The following DOCK3 variants were observed in gnomAD, a reference collection of about 807,000 sequenced individuals.
DOCK3 encodes the protein dedicator of cytokinesis 3, also known as dedicator of cytokinesis protein 3.
Under a neutral mutation model 265.6 loss-of-function variants are expected in DOCK3, and 60 were observed. The ratio of observed to expected loss-of-function variants is 0.23; its 90% CI spans 0.18 to 0.28. The LOEUF is 0.28. Ranked by LOEUF, DOCK3 falls within the 10% of genes least tolerant of loss-of-function variation. DOCK3 has a pLI of 1.00. For missense variants in DOCK3, 1,981 were observed against 2,594.3 expected (o/e 0.76, Z 5.14); for synonymous variants, 881 against 938.0 (o/e 0.94, Z 1.11).
chr3:50,904,224 C>T lies in DOCK3; in HGVS notation c.218+14143C>T, dbSNP rs138942617. 5.5e-3 allele frequency among the ~76,000 whole-genome samples: 830 copies of T among 152,226 alleles called. 3 individuals carry two copies. Among genetic ancestry groups the T allele is most frequent in the Non-Finnish European group, 8.4e-3 (574 of 68,010 alleles). On this transcript the variant is annotated intron_variant, in intron 4 of 52. Transcript: ENST00000266037. ...TGTGAATAGTGCCACATTAAACATA[C>T]GTGTGCATGTGTCTTTATAGTAGCA...
chr3:51,091,682 C>A (rs76679841), intron 9 of DOCK3, among the ~76,000 whole-genome samples: 1,613 of 101,934 alleles, frequency 0.016, no homozygotes, highest in Non-Finnish European at 0.017. Context: ...GACTTGGTCT[C>A]AAAAAAAAAA....
At chr3:51,011,049 A>G (rs1040789446) in intron 5 of DOCK3, among the ~76,000 whole-genome samples, 2 of 152,004 alleles carry the variant, frequency 1.3e-5, no homozygotes, top group Admixed American at 1.3e-4. Flanking sequence ...GGCTGCCCTT[A>G]ACATGTTTTC....
At chr3:51,296,478 G>GTT (rs1389891690) in intron 27 of DOCK3, among the ~76,000 whole-genome samples, 8 of 150,664 alleles carry the variant, frequency 5.3e-5, no homozygotes, top group African/African-American at 1.7e-4. Flanking sequence ...TACTTAAATT[G>GTT]GTTTTTTTTT....
intron 5 of DOCK3, among the ~76,000 whole-genome samples, chr3:50,991,525 A>G (rs1326766635): frequency 6.6e-6 from 1 of 152,234 alleles, no homozygotes; most frequent in Non-Finnish European, 1.5e-5. Flanking sequence ...GTTCAATTCG[A>G]CAAGAAGACT....
chr3:50,775,485 A>G (rs2041534386), intron 1 of DOCK3, among the ~76,000 whole-genome samples: 1 of 151,684 alleles, frequency 6.6e-6, no homozygotes, highest in East Asian at 1.9e-4. Flanking sequence ...TTTTTTCCTA[A>G]TTAGTTTTTC....
At chr3:50,994,578 A>G (rs564609504) in intron 5 of DOCK3, among the ~76,000 whole-genome samples, 4 of 152,378 alleles carry the variant, frequency 2.6e-5, no homozygotes, top group South Asian at 4.1e-4. Context: ...ACAAGTATGT[A>G]TATGTCAAAA....
intron 12 of DOCK3, among the ~76,000 whole-genome samples, chr3:51,164,938 GC>G (rs576701124): frequency 1.9e-5 from 2 of 104,668 alleles, no homozygotes; most frequent in African/African-American, 7.2e-5. Context: ...TTGTTTAGGA[GC>G]CTTTTTTTTT....
At chr3:51,341,458 T>G (rs1463747815) in intron 38 of DOCK3, 73 bp downstream of exon 38, 3 of 1,580,492 alleles carry the variant, frequency 1.9e-6, no homozygotes, top group Non-Finnish European at 2.6e-6. Flanking sequence ...CACCATAGGG[T>G]TAACAGCAGC....
chr3:51,360,364 A>G, intron 46 of DOCK3, 147 bp from the exon 47 acceptor site: 2 of 1,078,968 alleles, frequency 1.9e-6, no homozygotes, highest in Non-Finnish European at 2.6e-6. Context: ...GCATTGCCCA[A>G]AGGAAGTCAG....
At chr3:50,856,551 G>A (rs2046609848) in intron 3 of DOCK3, among the ~76,000 whole-genome samples, 2 of 150,608 alleles carry the variant, frequency 1.3e-5, no homozygotes, top group Non-Finnish European at 3.0e-5. Flanking sequence ...TTTTTTTCTT[G>A]TAAATTTGTT....
intron 9 of DOCK3, among the ~76,000 whole-genome samples, chr3:51,144,504 C>CA (rs1421033220): frequency 6.6e-6 from 1 of 152,166 alleles, no homozygotes; most frequent in Non-Finnish European, 1.5e-5. Context: ...TTGCCCCATG[C>CA]ATCTACTTTG....
intron 9 of DOCK3, among the ~76,000 whole-genome samples, chr3:51,145,391 C>T (rs1469223326): frequency 6.6e-6 from 1 of 152,062 alleles, no homozygotes; most frequent in African/African-American, 2.4e-5. Flanking sequence ...CCGCCTACCC[C>T]ACACCAGTCC....
At chr3:51,072,984 A>G (rs1384887893) in intron 6 of DOCK3, among the ~76,000 whole-genome samples, 1 of 151,852 alleles carries the variant, frequency 6.6e-6, no homozygotes, top group East Asian at 1.9e-4. Context: ...CTGGGATTAT[A>G]GGCATGAGCT....
rs142860803 is a variant in DOCK3, at chr3:50,938,145, T to C, written c.315+4068T>C. Among the ~76,000 whole-genome samples the C allele has an allele frequency of 1.0e-3, 159 of 152,100 alleles. 1 individual carries two copies. The East Asian group carries it at 0.025, about 23-fold the overall frequency. On this transcript the variant is annotated intron_variant, in intron 5 of 52. Transcript: ENST00000266037. ...CTTAAATAAATATTAATTATACTAA[T>C]ATCAGAAAAATTCAATATCAGAGCA...
chr3:50,808,551 A>T (rs76957981), intron 2 of DOCK3, among the ~76,000 whole-genome samples: 7,164 of 152,290 alleles, frequency 0.047, 230 homozygotes, highest in Non-Finnish European at 0.073. Context: ...CCTATGGGCT[A>T]ACTCTGGCTC....
At chr3:50,829,076 T>C (rs58356214) in intron 2 of DOCK3, among the ~76,000 whole-genome samples, 13,497 of 152,226 alleles carry the variant, frequency 0.089, 1,230 homozygotes, top group East Asian at 0.33. Flanking sequence ...GATTTATTTA[T>C]TTATTTATTT....
intron 1 of DOCK3, among the ~76,000 whole-genome samples, chr3:50,702,219 C>G (rs1327838083): frequency 6.6e-6 from 1 of 152,076 alleles, no homozygotes; most frequent in Non-Finnish European, 1.5e-5. Flanking sequence ...CTTTCCGTTT[C>G]TTTGTGTCCT....
intron 1 of DOCK3, among the ~76,000 whole-genome samples, chr3:50,696,481 C>T (rs972255214): frequency 4.6e-5 from 7 of 152,122 alleles, no homozygotes; most frequent in East Asian, 1.9e-4. Context: ...AGCCTGGGGG[C>T]GTGCAAGGCA....
chr3:50,716,229 T>C (rs913014052), intron 1 of DOCK3, among the ~76,000 whole-genome samples: 8 of 152,066 alleles, frequency 5.3e-5, no homozygotes, highest in Non-Finnish European at 8.8e-5. Flanking sequence ...ATGGCATTAA[T>C]ATTTTTGGGT....
Sources: gnomAD v4.1 joint callset for allele counts (sites outside exome capture counted in the v4.1 genomes callset) on GRCh38, gnomAD v4.1.1 for gene constraint, MANE v1.5 for transcripts, NCBI Gene and HGNC (gene_info 2026-07-23, HGNC 2026-07-21) for gene names.